The following DNAH12 variants were observed in gnomAD, a reference collection of about 807,000 sequenced individuals.
The protein encoded by DNAH12 is dynein axonemal heavy chain 12, also known as axonemal beta dynein heavy chain 12.
DNAH12 carries 285 observed loss-of-function variants against 371.5 expected under a neutral mutation model. That is an observed-to-expected ratio of 0.77 (90% CI 0.70 to 0.85). DNAH12 has a LOEUF of 0.85. Ranked by LOEUF, DNAH12 falls within the 40% of genes least tolerant of loss-of-function variation. The probability of loss-of-function intolerance (pLI) is 0.00; values close to 1 mark genes in which losing one functional copy is unlikely to be tolerated. For synonymous variants in DNAH12, 1,200 were observed against 1,213.0 expected, an observed-to-expected ratio of 0.99 and a Z score of 0.22; for missense variants, 3,611 against 3,689.4, an observed-to-expected ratio of 0.98 and a Z score of 0.55.
At chr3:57,537,107 T>C (rs1575750954) in intron 2 of DNAH12, among the ~76,000 whole-genome samples, 1 of 151,746 alleles carries the variant, frequency 6.6e-6, no homozygotes, top group East Asian at 1.9e-4. Context: ...GGTGGGAGGA[T>C]TGCTTGAGCC....
At chr3:57,347,109 G>T (rs2062561479) in intron 60 of DNAH12, among the ~76,000 whole-genome samples, 1 of 152,064 alleles carries the variant, frequency 6.6e-6, no homozygotes, top group Admixed American at 6.6e-5. Context: ...GTGGAAACTG[G>T]TTCTATGAAG....
chr3:57,398,998 A>C (rs974706846), intron 43 of DNAH12, among the ~76,000 whole-genome samples: 7 of 152,222 alleles, frequency 4.6e-5, no homozygotes, highest in Non-Finnish European at 7.3e-5. Flanking sequence ...CATAATATAT[A>C]AAGATACAAT....
intron 25 of DNAH12, among the ~76,000 whole-genome samples, chr3:57,448,225 C>CA (rs1276499401): frequency 1.3e-5 from 2 of 152,150 alleles, no homozygotes; most frequent in Non-Finnish European, 2.9e-5. Flanking sequence ...TTTGTTCCTT[C>CA]TGATGGTCGG....
chr3:57,356,767 TCTCA>T (rs1179667342), intron 59 of DNAH12, among the ~76,000 whole-genome samples: 1 of 152,062 alleles, frequency 6.6e-6, no homozygotes, highest in Non-Finnish European at 1.5e-5. Context: ...TTTAAGACAG[TCTCA>T]CTCTGTTGCG....
intron 47 of DNAH12, among the ~76,000 whole-genome samples, chr3:57,386,046 A>G (rs1031198973): frequency 6.6e-5 from 10 of 152,314 alleles, no homozygotes; most frequent in South Asian, 6.2e-4. Context: ...TCTATTACTT[A>G]CGTTGAACTA....
In DNAH12 at chr3:57,295,546, G is replaced by A. The variant is rs1359342372; in HGVS notation, c.11671C>T (p.Pro3891Ser). ...QYPKLLFDLM[P>S]IIWIKPTQKS... ...TTACTTGGTTTTATCCATATGATGGGCATCAGGTCAAACAGAAGTTTGGGA... is the reference window on the plus strand; with the variant it reads ...TTACTTGGTTTTATCCATATGATGGACATCAGGTCAAACAGAAGTTTGGGA... The change falls in exon 73 of 74, where the codon CCC becomes TCC. Residue 3891 changes from proline (P) to serine (S), a missense_variant. Physicochemically the swap from Pro to Ser is moderately conservative, Grantham distance 74. Around this residue, in one of 3 missense-constraint regions of DNAH12, gnomAD observed 2,266 missense variants for 2,236.9 expected, o/e 1.01. Transcript: ENST00000495027. The A allele has an allele frequency of 1.9e-6, 3 of 1,545,274 alleles. No homozygotes were observed. Among genetic ancestry groups the A allele is most frequent in the Non-Finnish European group, 2.6e-6 (3 of 1,144,282 alleles).
chr3:57,317,213 A>C (rs1177999810), intron 65 of DNAH12, among the ~76,000 whole-genome samples: 2 of 152,108 alleles, frequency 1.3e-5, no homozygotes, highest in Non-Finnish European at 2.9e-5. Context: ...TGTTTTAATA[A>C]TTTTCATTTT....
rs2064811990 is a variant in DNAH12 at position 57,427,419 on chromosome 3, G to A, written c.5253+1214C>T. Among the ~76,000 whole-genome samples, 5 of 151,800 alleles carry A rather than the reference G, an allele frequency of 3.3e-5. No homozygotes were observed. The South Asian group carries it at 1.0e-3, about 32-fold the overall frequency. ...ATGTGAAGATTGGCCGGATGCGGTT[G>A]CTCATGCCTGTAATCCCAGAACTTT... On this transcript the variant is annotated intron_variant, in intron 34 of 73. Transcript: ENST00000495027.
At chr3:57,393,372 A>G (rs2063665438) in intron 44 of DNAH12, among the ~76,000 whole-genome samples, 1 of 152,124 alleles carries the variant, frequency 6.6e-6, no homozygotes, top group Admixed American at 6.5e-5. Flanking sequence ...TCACGCCTGT[A>G]ATCCCAGCAC....
chr3:57,549,824 A>G, the DNAH12 span, among the ~76,000 whole-genome samples: 1 of 151,676 alleles, frequency 6.6e-6, no homozygotes, highest in Non-Finnish European at 1.5e-5. Flanking sequence ...GGGTTTTGCC[A>G]TGTTGCCCAG....
At chr3:57,442,574 C>A (rs1463959259) in intron 29 of DNAH12, among the ~76,000 whole-genome samples, 1 of 151,902 alleles carries the variant, frequency 6.6e-6, no homozygotes, top group Non-Finnish European at 1.5e-5. Flanking sequence ...TTTTGAAATC[C>A]AAAAGAAGTC....
At chr3:57,322,623 G>T in intron 64 of DNAH12, 140 bp from the exon 65 acceptor site, 2 of 1,056,084 alleles carry the variant, frequency 1.9e-6, no homozygotes, top group Admixed American at 3.2e-5. Context: ...AGCATCTGAG[G>T]CTTGATTAAG....
At position 57,353,136 on chromosome 3, in the gene DNAH12, G is replaced by T. The variant is rs2062721721; in HGVS notation, c.9534-911C>A. 1.1e-4 allele frequency among the ~76,000 whole-genome samples: 8 copies of T among 73,212 alleles called. 1 individual carries two copies. In the South Asian group the frequency reaches 2.5e-3, roughly 23 times the overall value. The allele number at this position is 73,212 out of a possible 152,430, so 48.0% of individuals were successfully genotyped here. On this transcript the variant is annotated intron_variant, in intron 59 of 73. Transcript: ENST00000495027. ...GTCAGAAAACATATGGATAAATATA[G>T]TTACTGGGTGGAGTTGACTGATACT...
Position 57,502,476 on chromosome 3 carries a change from C to A in DNAH12, c.1090G>T (p.Val364Phe). 6.2e-7 allele frequency: 1 copy of A among 1,613,626 alleles called. No individual in the cohort carries two copies. The highest frequency in any genetic ancestry group is 1.1e-5 in the South Asian group (1 of 91,058). Residue 364 changes from valine to phenylalanine, a missense_variant, in exon 10 of 74, where the codon GTC becomes TTC. This residue lies in a region of DNAH12 where 1,314 missense variants were observed against 1,398.7 expected (regional missense o/e 0.94). Coordinates refer to ENST00000495027, the MANE Select transcript of DNAH12 (RefSeq NM_001366028.2). ...VERIAEALQN[V>F]QTIPSWLSGT... Reference sequence around the variant, plus strand: ...GATAGCCAAGAGGGGATTGTTTGGACATTCTAACACAAATAAAAATAATAA... The same window carrying A: ...GATAGCCAAGAGGGGATTGTTTGGAAATTCTAACACAAATAAAAATAATAA...
Position 57,419,336 on chromosome 3 carries a change from C to CA in DNAH12, c.5714+30dup, listed in dbSNP as rs1170165310. ...CCTATTAAAATGGTACTTTTACATT[C>CA]AAAATGCTTGTTTATAGCAGAGTTC... On this transcript the variant is annotated intron_variant, in intron 37 of 73. Coordinates refer to ENST00000495027, the MANE Select transcript of DNAH12 (RefSeq NM_001366028.2). 3 of 1,467,660 alleles carry CA rather than the reference C, an allele frequency of 2.0e-6. No homozygotes were observed. The South Asian group carries it at 4.4e-5, about 22-fold the overall frequency. The allele number at this position is 1,467,660 out of a possible 1,614,324, so 90.9% of individuals were successfully genotyped here. A position where few individuals can be genotyped will look rare whatever the true frequency, so the allele number is the denominator to read the frequency against.
chr3:57,367,196 T>C (rs1039361699), intron 56 of DNAH12, among the ~76,000 whole-genome samples: 1 of 152,136 alleles, frequency 6.6e-6, no homozygotes, highest in Non-Finnish European at 1.5e-5. Context: ...CTGGGTGTCA[T>C]GGTGGAACAC....
At chr3:57,418,696 T>A (rs1429841498) in intron 37 of DNAH12, among the ~76,000 whole-genome samples, 4 of 152,162 alleles carry the variant, frequency 2.6e-5, no homozygotes, top group Admixed American at 6.5e-5. Flanking sequence ...TTTGTTTTTT[T>A]AAATGAGATA....
chr3:57,515,972 T>C (rs1445788041), intron 4 of DNAH12, among the ~76,000 whole-genome samples: 3 of 151,604 alleles, frequency 2.0e-5, no homozygotes, highest in Admixed American at 2.0e-4. Context: ...CTTACTTTTA[T>C]TTTTTTTCAA....
intron 43 of DNAH12, chr3:57,402,487 C>T (rs1327605582): frequency 8.1e-7 from 1 of 1,233,426 alleles, no homozygotes; most frequent in African/African-American, 1.6e-5. Context: ...ACATCATCAT[C>T]AGGTTCATGG....
Sources: gnomAD v4.1 joint callset for allele counts (sites outside exome capture counted in the v4.1 genomes callset) on GRCh38, gnomAD v4.1.1 for gene constraint, gnomAD v4.1.1 regional missense constraint, MANE v1.5 for transcripts, NCBI Gene and HGNC (gene_info 2026-07-23, HGNC 2026-07-21) for gene names.